Variants in DAB1 observed in about 807,000 individuals in gnomAD.
DAB1 encodes disabled homolog 1.
DAB1 carries 15 observed loss-of-function variants against 64.6 expected under a neutral mutation model. The observed-to-expected ratio is 0.23, with a 90% CI of 0.16 to 0.36. DAB1 has a LOEUF of 0.36. DAB1 is among the 10% of genes least tolerant of loss of function. The pLI, the probability that DAB1 is intolerant of heterozygous loss-of-function variation, is 1.00. For missense variants in DAB1, 596 were observed against 706.7 expected, an observed-to-expected ratio of 0.84 and a Z score of 1.78; for synonymous variants, 235 against 251.9, an observed-to-expected ratio of 0.93 and a Z score of 0.64.
intron 5 of DAB1, among the ~76,000 whole-genome samples, chr1:58,014,421 G>A (rs1051320758): frequency 6.6e-6 from 1 of 152,232 alleles, no homozygotes; most frequent in Non-Finnish European, 1.5e-5. Context: ...CTCTGTGAGT[G>A]ATTCTAGGCA....
intron 7 of DAB1, among the ~76,000 whole-genome samples, chr1:57,558,716 G>A (rs949640691): frequency 4.6e-5 from 7 of 152,148 alleles, no homozygotes; most frequent in African/African-American, 1.7e-4. Context: ...CATTCTAATA[G>A]TTTCTTTGCT....
At chr1:57,653,585 T>C (rs1054784860) in intron 6 of DAB1, among the ~76,000 whole-genome samples, 2 of 152,138 alleles carry the variant, frequency 1.3e-5, no homozygotes, top group African/African-American at 2.4e-5. Flanking sequence ...TGCTGTGCCA[T>C]AGAGTACATG....
chr1:57,475,104 A>G (rs1643918162), intron 7 of DAB1, among the ~76,000 whole-genome samples: 1 of 152,172 alleles, frequency 6.6e-6, no homozygotes, highest in Non-Finnish European at 1.5e-5. Context: ...TACTAAAAAT[A>G]CAAAAATTAG....
intron 6 of DAB1, among the ~76,000 whole-genome samples, chr1:57,668,357 AGGTAAAGCACCT>A (rs1209073324): frequency 6.6e-6 from 1 of 152,130 alleles, no homozygotes; most frequent in Non-Finnish European, 1.5e-5. Flanking sequence ...CCTACCTTAG[AGGTAAAGCACCT>A]GGCATAACAA....
intron 5 of DAB1, among the ~76,000 whole-genome samples, chr1:58,041,490 A>T (rs1647135641): frequency 6.6e-6 from 1 of 152,162 alleles, no homozygotes; most frequent in Non-Finnish European, 1.5e-5. Flanking sequence ...ACTCTCATTT[A>T]AAAACCCTGG....
chr1:57,574,735 G>C (rs1344014177), intron 7 of DAB1, among the ~76,000 whole-genome samples: 4 of 152,284 alleles, frequency 2.6e-5, no homozygotes, highest in African/African-American at 9.6e-5. Flanking sequence ...GTACATGCCA[G>C]ATCCCACCTG....
At chr1:57,196,235 T>G (rs1243939716) in intron 2 of DAB1, among the ~76,000 whole-genome samples, 2 of 152,222 alleles carry the variant, frequency 1.3e-5, no homozygotes, top group Non-Finnish European at 2.9e-5. Context: ...TAAAGCTGTT[T>G]TTAAGAAAGG....
At chr1:57,668,744 T>A (rs932578475) in intron 6 of DAB1, among the ~76,000 whole-genome samples, 1 of 152,124 alleles carries the variant, frequency 6.6e-6, no homozygotes, top group Non-Finnish European at 1.5e-5. Context: ...AAAGAGTGCA[T>A]TTAACCTTGA....
chr1:58,399,195 G>T (rs1393849176), intron 3 of DAB1, among the ~76,000 whole-genome samples: 1 of 152,218 alleles, frequency 6.6e-6, no homozygotes, highest in Non-Finnish European at 1.5e-5. Context: ...ATTTACATCT[G>T]TATAGTGCTT....
intron 13 of DAB1, 143 bp from the exon 14 acceptor site, chr1:57,010,933 T>C: frequency 1.2e-6 from 1 of 860,314 alleles, no homozygotes; most frequent in Non-Finnish European, 1.8e-6. Flanking sequence ...ACACCACAAA[T>C]GTGGACTTGT....
At chr1:57,430,521 G>T (rs1301458331) in intron 7 of DAB1, among the ~76,000 whole-genome samples, 1 of 151,970 alleles carries the variant, frequency 6.6e-6, no homozygotes, top group Non-Finnish European at 1.5e-5. Context: ...GACCACAGGC[G>T]CCCGCCACCA....
At chr1:58,071,639 G>T (rs1344020427) in intron 5 of DAB1, 1 of 152,158 alleles carries the variant, frequency 6.6e-6, no homozygotes, top group African/African-American at 2.4e-5. Flanking sequence ...GATGAGGTAA[G>T]TTTTACACAA....
At chr1:58,514,643 A>C (rs1016251602) in intron 2 of DAB1, among the ~76,000 whole-genome samples, 1 of 152,168 alleles carries the variant, frequency 6.6e-6, no homozygotes, top group Admixed American at 6.5e-5. Flanking sequence ...TAGGTAAAAT[A>C]ATCATCTGAG....
intron 4 of DAB1, among the ~76,000 whole-genome samples, chr1:58,306,430 C>T (rs181676749): frequency 2.6e-5 from 4 of 152,262 alleles, no homozygotes; most frequent in Admixed American, 2.0e-4. Flanking sequence ...AATCACAGGA[C>T]GCTTTGAGTT....
intron 5 of DAB1, among the ~76,000 whole-genome samples, chr1:58,135,955 T>C (rs1387972977): frequency 6.6e-6 from 1 of 152,122 alleles, no homozygotes; most frequent in Admixed American, 6.5e-5. Context: ...CTCTCTGCGG[T>C]GCAGTGTACT....
intron 5 of DAB1, among the ~76,000 whole-genome samples, chr1:57,929,786 T>A (rs1034839682): frequency 2.0e-5 from 3 of 152,134 alleles, no homozygotes; most frequent in Admixed American, 6.6e-5. Flanking sequence ...CCTGACATTA[T>A]AACAACCCAC....
rs1365474013 is a variant in DAB1 at position 58,358,008 on chromosome 1, T to C, written n.258-14605A>G. Among the ~76,000 whole-genome samples, 6 of 152,226 alleles carry C rather than the reference T, an allele frequency of 3.9e-5. No individual in the cohort carries two copies. The East Asian group carries it at 7.7e-4, about 20-fold the overall frequency. On this transcript the variant is annotated intron_variant and non_coding_transcript_variant, in intron 3 of 20. Coordinates refer to the DAB1 transcript ENST00000485760. ...ATTGCCAAACCTTAATTCAGTCTTT[T>C]ATTCTGCAAGTAAATTTCCCACTCC...
In DAB1 at chr1:58,269,859, T is replaced by C. The variant is rs1391623931; in HGVS notation, n.309+73493A>G. On this transcript the variant is annotated intron_variant and non_coding_transcript_variant, in intron 4 of 20. Coordinates refer to the DAB1 transcript ENST00000485760. ...TCTGTTCATGTCCCTCGCCCACTTT[T>C]TGATGGGGTTGTTTGTTTTTTTCTT... 7.1e-3 allele frequency among the ~76,000 whole-genome samples: 292 copies of C among 40,950 alleles called. 1 individual carries two copies. Among genetic ancestry groups the C allele is most frequent in the African/African-American group, 0.026 (277 of 10,756 alleles). 26.9% of individuals were successfully genotyped at this position (40,950 alleles called of 152,430 possible).
At chr1:58,324,828 C>T (rs924715527) in intron 4 of DAB1, among the ~76,000 whole-genome samples, 8 of 152,166 alleles carry the variant, frequency 5.3e-5, no homozygotes, top group Admixed American at 1.3e-4. Flanking sequence ...CAGAATATAT[C>T]CCCCTACCTA....
Sources: allele counts gnomAD v4.1 joint callset (sites outside exome capture counted in the v4.1 genomes callset), GRCh38; gene constraint gnomAD v4.1.1; transcripts MANE v1.5; gene names NCBI Gene and HGNC (gene_info 2026-07-23, HGNC 2026-07-21).